The following SIPA1L2 variants were observed in gnomAD, a reference collection of about 807,000 sequenced individuals.
The protein encoded by SIPA1L2 is signal-induced proliferation-associated 1-like protein 2.
In SIPA1L2, 56 loss-of-function variants were observed where a neutral mutation model predicts 163.9. The ratio of observed to expected loss-of-function variants is 0.34; its 90% CI spans 0.28 to 0.43. The LOEUF (loss-of-function observed/expected upper bound fraction) is 0.43. Ranked by LOEUF, SIPA1L2 falls within the 20% of genes least tolerant of loss-of-function variation. The probability of loss-of-function intolerance (pLI) is 1.00; values close to 1 mark genes in which losing one functional copy is unlikely to be tolerated. For synonymous variants in SIPA1L2, 877 were observed against 865.7 expected (o/e 1.01, Z -0.23); for missense variants, 1,974 against 2,193.5 (o/e 0.90, Z 2.00).
intron 1 of SIPA1L2, among the ~76,000 whole-genome samples, chr1:232,605,460 C>T (rs552421875): frequency 3.3e-5 from 5 of 152,236 alleles, no homozygotes; most frequent in South Asian, 2.1e-4. Flanking sequence ...TTTGGGAGGC[C>T]GAAACGGATG....
intron 15 of SIPA1L2, among the ~76,000 whole-genome samples, chr1:232,438,320 C>T (rs1662685534): frequency 6.6e-6 from 1 of 152,182 alleles, no homozygotes; most frequent in Non-Finnish European, 1.5e-5. Flanking sequence ...GGAGCTGAAT[C>T]AGGGAAGGCC....
chr1:232,575,499 G>A (rs949579399), intron 1 of SIPA1L2, among the ~76,000 whole-genome samples: 5 of 152,270 alleles, frequency 3.3e-5, no homozygotes, highest in Non-Finnish European at 7.4e-5. Flanking sequence ...GCGGCTGAAT[G>A]TAAGATTTTG....
chr1:232,429,160 T>C (rs985862008), intron 16 of SIPA1L2, among the ~76,000 whole-genome samples: 1 of 152,234 alleles, frequency 6.6e-6, no homozygotes, highest in African/African-American at 2.4e-5. Context: ...TGAATTACTG[T>C]TTTTAGCTCC....
intron 5 of SIPA1L2, among the ~76,000 whole-genome samples, chr1:232,485,095 A>AC (rs1665578083): frequency 6.6e-6 from 1 of 152,210 alleles, no homozygotes; most frequent in Non-Finnish European, 1.5e-5. Flanking sequence ...GGAAACATTT[A>AC]CCACATGCTG....
At chr1:232,436,894 A>C (rs1376990044) in intron 15 of SIPA1L2, among the ~76,000 whole-genome samples, 1 of 152,234 alleles carries the variant, frequency 6.6e-6, no homozygotes, top group Non-Finnish European at 1.5e-5. Flanking sequence ...TTCAAAAGCC[A>C]CCATCAACGA....
At chr1:232,432,550 A>C in intron 15 of SIPA1L2, 79 bp from the exon 16 acceptor site, 2 of 1,314,080 alleles carry the variant, frequency 1.5e-6, no homozygotes. Context: ...CAGAGCCACA[A>C]GGCTTTACTC....
chr1:232,420,635 A>G (rs1661520991), intron 18 of SIPA1L2, among the ~76,000 whole-genome samples: 1 of 152,072 alleles, frequency 6.6e-6, no homozygotes, highest in Non-Finnish European at 1.5e-5. Context: ...GGAGATGGAG[A>G]CCATCCTGGC....
rs576056673 is a variant in SIPA1L2, at chr1:232,515,689, T to C, written c.-269-81A>G. 198 of 211,396 alleles carry C rather than the reference T, an allele frequency of 9.4e-4. 2 individuals carry two copies. Among genetic ancestry groups the C allele is most frequent in the African/African-American group, 4.3e-3 (184 of 43,236 alleles). 13.1% of individuals were successfully genotyped at this position (211,396 alleles called of 1,614,324 possible). A position where few individuals can be genotyped will look rare whatever the true frequency, so the allele number is the denominator to read the frequency against. ...CATTCTATGATAAATTTCGTATCTG[T>C]CTTTCCCCTCTGCTTCTGCCCACAA... On this transcript the variant is annotated intron_variant, in intron 2 of 22. Transcript: ENST00000674635.
At chr1:232,435,164 G>A (rs967821606) in intron 15 of SIPA1L2, among the ~76,000 whole-genome samples, 2 of 152,190 alleles carry the variant, frequency 1.3e-5, no homozygotes, top group South Asian at 4.1e-4. Flanking sequence ...TAAGCTGCAT[G>A]TGTGTAGGTT....
intron 10 of SIPA1L2, among the ~76,000 whole-genome samples, chr1:232,456,356 GA>G (rs1437352692): frequency 2.0e-5 from 3 of 152,096 alleles, no homozygotes; most frequent in Admixed American, 6.5e-5. Flanking sequence ...AGCAAAACAG[GA>G]GATGAGAACA....
rs1306667044 is a variant in SIPA1L2, at chr1:232,461,169, G to T, written c.2821-8C>A. The T allele has an allele frequency of 1.2e-6, 2 of 1,612,222 alleles. No homozygotes were observed. Among genetic ancestry groups the T allele is most frequent in the Non-Finnish European group, 1.7e-6 (2 of 1,178,832 alleles). On this transcript the variant is annotated splice_polypyrimidine_tract_variant and splice_region_variant and intron_variant, in intron 9 of 22. Transcript: ENST00000674635. ...GCAGCCTCTCGTCACTATCTAAGGG[G>T]GAAGGAGACTGTTAGAGATGCCCTT...
At chr1:232,448,151 A>G (rs907021799) in intron 10 of SIPA1L2, among the ~76,000 whole-genome samples, 1 of 152,186 alleles carries the variant, frequency 6.6e-6, no homozygotes, top group African/African-American at 2.4e-5. Flanking sequence ...TCTTTAGCCT[A>G]AAATATATGA....
At chr1:232,607,866 A>C (rs1242650300) in intron 1 of SIPA1L2, among the ~76,000 whole-genome samples, 1 of 151,186 alleles carries the variant, frequency 6.6e-6, no homozygotes, top group African/African-American at 2.4e-5. Context: ...AACCAGCCTG[A>C]CCAACACGGA....
At chr1:232,406,596 G>C (rs1041170110) in intron 19 of SIPA1L2, among the ~76,000 whole-genome samples, 2 of 152,200 alleles carry the variant, frequency 1.3e-5, no homozygotes, top group Admixed American at 1.3e-4. Context: ...GCCAAGGCTG[G>C]ATTGGTGGGG....
rs199575355 is a variant in SIPA1L2, at chr1:232,511,455, C to CAT, written c.1483+2400_1483+2401dup. Reference sequence around the variant, plus strand: ...ATTGCATCAGATCATTTCTCTGATTCATGTTGTCATAATGTGATTACAAAA... The same window carrying CAT: ...ATTGCATCAGATCATTTCTCTGATTCATATGTTGTCATAATGTGATTACAAAA... On this transcript the variant is annotated intron_variant, in intron 3 of 22. Transcript: ENST00000674635. Among the ~76,000 whole-genome samples the CAT allele has an allele frequency of 5.3e-3, 812 of 152,282 alleles. 9 individuals are homozygous for CAT. Among genetic ancestry groups the CAT allele is most frequent in the African/African-American group, 0.018 (767 of 41,544 alleles).
intron 9 of SIPA1L2, chr1:232,462,381 C>T: frequency 1.3e-6 from 2 of 1,487,412 alleles, no homozygotes; most frequent in South Asian, 1.3e-5. Context: ...GCTCTGACTA[C>T]ATAGATACCT....
chr1:232,534,074 A>G (rs1281932559), intron 2 of SIPA1L2, among the ~76,000 whole-genome samples: 1 of 152,030 alleles, frequency 6.6e-6, no homozygotes, highest in Non-Finnish European at 1.5e-5. Context: ...GGGACCCCAA[A>G]TAGCCAAAAC....
At position 232,425,121 on chromosome 1, in the gene SIPA1L2, A is replaced by G. The variant is rs369209433; in HGVS notation, c.4630+468T>C. Among the ~76,000 whole-genome samples the G allele has an allele frequency of 7.1e-4, 108 of 152,278 alleles. 1 individual carries two copies. In the South Asian group the frequency reaches 0.021, roughly 29 times the overall value. On this transcript the variant is annotated intron_variant, in intron 18 of 22. Coordinates refer to ENST00000674635, the MANE Select transcript of SIPA1L2 (RefSeq NM_020808.5). ...CGCCCACGGGTAAAGCCCAGTCTAC[A>G]AGCCAGGTCTCCCGAGGCACACGTG...
chr1:232,520,177 G>A (rs1667398847), intron 2 of SIPA1L2, among the ~76,000 whole-genome samples: 1 of 152,086 alleles, frequency 6.6e-6, no homozygotes, highest in Non-Finnish European at 1.5e-5. Context: ...TTACTGTGAG[G>A]GGCACTGGTC....
Sources: allele counts gnomAD v4.1 joint callset (sites outside exome capture counted in the v4.1 genomes callset), GRCh38; gene constraint gnomAD v4.1.1; transcripts MANE v1.5; gene names NCBI Gene and HGNC (gene_info 2026-07-23, HGNC 2026-07-21).